The following FLI1 variants were observed in gnomAD, a reference collection of about 807,000 sequenced individuals.
FLI1 encodes Friend leukemia integration 1 transcription factor.
In FLI1, 13 loss-of-function variants were observed where a neutral mutation model predicts 53.1. The observed-to-expected ratio is 0.24, with a 90% CI of 0.16 to 0.39. The LOEUF is 0.39. Among genes scored for constraint, FLI1 ranks in the 10% least tolerant of loss-of-function variants. The pLI is 1.00. For synonymous variants in FLI1, 244 were observed against 236.7 expected, an observed-to-expected ratio of 1.03 and a Z score of -0.28; for missense variants, 424 against 600.5, an observed-to-expected ratio of 0.71 and a Z score of 3.07.
chr11:128,754,944 G>A (rs761530027), intron 1 of FLI1, among the ~76,000 whole-genome samples: 1 of 152,184 alleles, frequency 6.6e-6, no homozygotes, highest in Non-Finnish European at 1.5e-5. Flanking sequence ...AGTTCAAACT[G>A]GTTTTGTGCC....
chr11:128,687,177 A>G (rs947295877), intron 1 of FLI1, among the ~76,000 whole-genome samples: 11 of 152,228 alleles, frequency 7.2e-5, no homozygotes, highest in Non-Finnish European at 1.0e-4. Flanking sequence ...CAGGTGAGAC[A>G]CGCGCTCAGT....
At chr11:128,753,659 A>G (rs1209423448) in intron 1 of FLI1, among the ~76,000 whole-genome samples, 2 of 152,278 alleles carry the variant, frequency 1.3e-5, no homozygotes, top group Non-Finnish European at 2.9e-5. Flanking sequence ...AAAGAGCTTT[A>G]TAAGACACAC....
intron 5 of FLI1, among the ~76,000 whole-genome samples, chr11:128,784,904 G>C (rs563496905): frequency 2.5e-4 from 38 of 152,232 alleles, no homozygotes; most frequent in Non-Finnish European, 5.0e-4. Flanking sequence ...CACTGGTGCA[G>C]TCCACAAAGG....
chr11:128,764,336 C>T (rs1182938681), intron 2 of FLI1, among the ~76,000 whole-genome samples: 2 of 152,238 alleles, frequency 1.3e-5, no homozygotes, highest in African/African-American at 4.8e-5. Context: ...GAGTCAAGAG[C>T]TATGTCCAGT....
At chr11:128,685,351 T>G (rs1009649444), upstream of FLI1, among the ~76,000 whole-genome samples, 1 of 152,202 alleles carries the variant, frequency 6.6e-6, no homozygotes, top group Admixed American at 6.5e-5. Flanking sequence ...TCCTGCGGGC[T>G]TAGCAGGAAA....
intron 1 of FLI1, among the ~76,000 whole-genome samples, chr11:128,727,474 C>A (rs1446904327): frequency 6.6e-6 from 1 of 152,220 alleles, no homozygotes; most frequent in Non-Finnish European, 1.5e-5. Flanking sequence ...CCTGTTTCAA[C>A]CTTTCCGTGA....
chr11:128,752,866 G>C (rs538189718), intron 1 of FLI1, among the ~76,000 whole-genome samples: 1 of 152,290 alleles, frequency 6.6e-6, no homozygotes, highest in East Asian at 1.9e-4. Context: ...AAGGCACCTT[G>C]CCCAAACTGG....
chr11:128,799,591 A>G (rs369311927), intron 5 of FLI1, among the ~76,000 whole-genome samples: 1 of 152,292 alleles, frequency 6.6e-6, no homozygotes, highest in South Asian at 2.1e-4. Context: ...ACTGATTCGA[A>G]GTCCTATCTC....
At chr11:128,751,406 A>G (rs1039133879) in intron 1 of FLI1, among the ~76,000 whole-genome samples, 2 of 149,694 alleles carry the variant, frequency 1.3e-5, no homozygotes, top group Non-Finnish European at 3.0e-5. Flanking sequence ...CCCAGGATGG[A>G]TGGTATGATC....
In FLI1 at chr11:128,738,839, G is replaced by A. The variant is rs115823535; in HGVS notation, c.19-19276G>A. On this transcript the variant is annotated intron_variant, in intron 1 of 8. Coordinates refer to ENST00000527786, the MANE Select transcript of FLI1 (RefSeq NM_002017.5). ...TTGATGTCAGAACCAAAAAACCCAA[G>A]CAAAGCAAAGACCCAGGGCTACATT... Among the ~76,000 whole-genome samples the A allele has an allele frequency of 3.2e-3, 481 of 152,292 alleles. 4 individuals are homozygous for A. The highest frequency in any genetic ancestry group is 0.01 in the African/African-American group (426 of 41,558).
intron 4 of FLI1, among the ~76,000 whole-genome samples, chr11:128,778,861 C>T (rs1248786730): frequency 6.6e-6 from 1 of 152,156 alleles, no homozygotes; most frequent in Non-Finnish European, 1.5e-5. Context: ...GACCTGCCTG[C>T]ATCAGAACAA....
intron 1 of FLI1, among the ~76,000 whole-genome samples, chr11:128,726,959 G>A (rs1382927013): frequency 2.6e-5 from 4 of 152,146 alleles, no homozygotes; most frequent in Admixed American, 2.0e-4. Flanking sequence ...AGTGTGTTCT[G>A]CAGGGGAGGG....
intron 1 of FLI1, among the ~76,000 whole-genome samples, chr11:128,736,542 T>C (rs1402304657): frequency 6.6e-6 from 1 of 152,254 alleles, no homozygotes; most frequent in African/African-American, 2.4e-5. Context: ...ATGCTCATTT[T>C]AGACACACCC....
chr11:128,805,888 CTG>C, intron 6 of FLI1: 8 of 153,410 alleles, frequency 5.2e-5, no homozygotes, highest in South Asian at 4.1e-4. Context: ...TCTCAGAACC[CTG>C]CCATCTCCTC....
intron 8 of FLI1, among the ~76,000 whole-genome samples, chr11:128,809,628 T>G (rs1040472547): frequency 6.6e-5 from 10 of 152,264 alleles, no homozygotes; most frequent in Non-Finnish European, 1.3e-4. Flanking sequence ...CCAAGTTATC[T>G]GGCCTTATAA....
intron 1 of FLI1, among the ~76,000 whole-genome samples, chr11:128,725,238 C>T (rs1290835450): frequency 6.6e-6 from 1 of 152,206 alleles, no homozygotes; most frequent in East Asian, 1.9e-4. Flanking sequence ...GTTAGGTGAG[C>T]CTGAAGGTGA....
chr11:128,697,840 C>T (rs1938152134), intron 1 of FLI1, among the ~76,000 whole-genome samples: 1 of 152,190 alleles, frequency 6.6e-6, no homozygotes, highest in Non-Finnish European at 1.5e-5. Context: ...GGTCAAAACC[C>T]TCCAGGAATG....
chr11:128,772,620 T>C (rs1941603131), intron 3 of FLI1, among the ~76,000 whole-genome samples, 162 bp from the exon 4 acceptor site: 1 of 152,128 alleles, frequency 6.6e-6, no homozygotes, highest in Non-Finnish European at 1.5e-5. Flanking sequence ...CCAGATGCCA[T>C]GGAGCCTGAT....
chr11:128,698,418 G>A (rs1026887896), intron 1 of FLI1, among the ~76,000 whole-genome samples: 5 of 152,190 alleles, frequency 3.3e-5, no homozygotes, highest in African/African-American at 9.7e-5. Context: ...TCCACCAAAA[G>A]GCTTCCTTCC....
Sources: gnomAD v4.1 joint callset for allele counts (sites outside exome capture counted in the v4.1 genomes callset) on GRCh38, gnomAD v4.1.1 for gene constraint, MANE v1.5 for transcripts, NCBI Gene and HGNC (gene_info 2026-07-23, HGNC 2026-07-21) for gene names.